Variants in GAD1 observed in about 807,000 individuals in gnomAD.
The protein encoded by GAD1 is glutamate decarboxylase 1.
A neutral mutation model predicts 75.2 loss-of-function variants in GAD1; 35 were observed. The observed-to-expected ratio is 0.47, with a 90% confidence interval of 0.36 to 0.62. GAD1 has a LOEUF of 0.62. Among genes scored for constraint, GAD1 ranks in the 20% least tolerant of loss-of-function variants. The pLI is 0.00. For synonymous variants in GAD1, 257 were observed against 271.9 expected, an observed-to-expected ratio of 0.95 and a Z score of 0.54; for missense variants, 490 against 758.5, an observed-to-expected ratio of 0.65 and a Z score of 4.16.
At chr2:170,849,034 C>T (rs1702696692) in intron 11 of GAD1, 1 of 550,854 alleles carries the variant, frequency 1.8e-6, no homozygotes, top group Non-Finnish European at 3.3e-6. Context: ...GCAGAACAGG[C>T]ACCTCAGGCT....
At chr2:170,850,616 G>T (rs1305042421) in intron 12 of GAD1, among the ~76,000 whole-genome samples, 1 of 152,210 alleles carries the variant, frequency 6.6e-6, no homozygotes, top group Non-Finnish European at 1.5e-5. Flanking sequence ...TCTGGCTTTT[G>T]TTACCTCTAC....
At chr2:170,815,299 G>A (rs1474554155), upstream of GAD1, among the ~76,000 whole-genome samples, 1 of 152,164 alleles carries the variant, frequency 6.6e-6, no homozygotes, top group East Asian at 1.9e-4. Context: ...CCGCCGTTTA[G>A]GATGTTTTTT....
In GAD1 at chr2:170,853,180, C is replaced by G. The variant is rs1051461170; in HGVS notation, c.1263+388C>G. Reference sequence around the variant, plus strand: ...GGAGTTCTTAGTATAAACGTGTGGTCCCAAGAACTGAAATAAATGAGACAG... The same window carrying G: ...GGAGTTCTTAGTATAAACGTGTGGTGCCAAGAACTGAAATAAATGAGACAG... On this transcript the variant is annotated intron_variant, in intron 13 of 16. Transcript: ENST00000358196. This position sits in a 1 kb window ranked among gnomAD's most constrained non-coding sequence, Gnocchi z 4.1. 1 of 275,214 alleles carries G rather than the reference C, an allele frequency of 3.6e-6. No homozygotes were observed. 17.0% of individuals were successfully genotyped at this position (275,214 alleles called of 1,614,324 possible). A position where few individuals can be genotyped will look rare whatever the true frequency, so the allele number is the denominator to read the frequency against.
intron 12 of GAD1, among the ~76,000 whole-genome samples, chr2:170,849,580 G>A (rs1399316178): frequency 1.3e-5 from 2 of 152,230 alleles, no homozygotes; most frequent in Non-Finnish European, 2.9e-5. Context: ...CAGGTGTGGT[G>A]GCTCACGCCT....
chr2:170,818,495 G>T lies in GAD1; in HGVS notation c.-63-34G>T. 8.6e-7 allele frequency: 1 copy of T among 1,158,068 alleles called. No homozygotes were observed. The allele number at this position is 1,158,068 out of a possible 1,614,324, so 71.7% of individuals were successfully genotyped here. ...CCCTCCGGTGTGCAGGACCCCGGAA[G>T]TCCTCCCCGCACAGCTCTCGCTTCT... On this transcript the variant is annotated intron_variant, in intron 1 of 16. Transcript: ENST00000358196. The surrounding 1 kb of genome is among the most constrained non-coding windows in gnomAD (Gnocchi z 5.9).
At chr2:170,848,487 ACT>A (rs1280389569) in intron 11 of GAD1, among the ~76,000 whole-genome samples, 1 of 147,200 alleles carries the variant, frequency 6.8e-6, no homozygotes, top group Non-Finnish European at 1.5e-5. Flanking sequence ...AAAGAGCAAA[ACT>A]CTGTCTCAAA....
chr2:170,845,929 T>G, intron 9 of GAD1, 80 bp from the exon 10 acceptor site: 2 of 1,500,130 alleles, frequency 1.3e-6, no homozygotes, highest in Non-Finnish European at 1.9e-6. Context: ...TAAATTGCTT[T>G]TTGCTGCTGC....
At chr2:170,848,788 C>T in intron 11 of GAD1, 1 of 519,140 alleles carries the variant, frequency 1.9e-6, no homozygotes, top group Non-Finnish European at 3.8e-6. Context: ...AGTAAACATG[C>T]ATCATGGTAC....
upstream of GAD1, chr2:170,816,816 C>G (rs1042749829): frequency 6.5e-6 from 1 of 154,268 alleles, no homozygotes; most frequent in Non-Finnish European, 1.4e-5. Flanking sequence ...ATTTCCCCGC[C>G]GATCCGGTCC....
At chr2:170,831,853 G>A (rs372008068) in intron 5 of GAD1, among the ~76,000 whole-genome samples, 42 of 148,252 alleles carry the variant, frequency 2.8e-4, no homozygotes, top group East Asian at 2.6e-3. Flanking sequence ...GCATGGTGGC[G>A]TGCACCTGTA....
intron 12 of GAD1, among the ~76,000 whole-genome samples, chr2:170,851,793 C>A (rs905131291): frequency 1.3e-5 from 2 of 152,210 alleles, no homozygotes; most frequent in Non-Finnish European, 2.9e-5. Flanking sequence ...TGCTCCTTAA[C>A]CATCTAATTG....
At chr2:170,848,963 C>T in intron 11 of GAD1, 1 of 439,752 alleles carries the variant, frequency 2.3e-6, no homozygotes. Context: ...CGGAGGGGGA[C>T]TCACTGTGTT....
chr2:170,847,849 A>G (rs1702666892), intron 11 of GAD1, 57 bp downstream of exon 11: 5 of 1,145,778 alleles, frequency 4.4e-6, no homozygotes, highest in South Asian at 2.5e-5. Flanking sequence ...CCTCTTTTTT[A>G]TGACTTGCCT....
intron 1 of GAD1, 177 bp downstream of exon 1, chr2:170,817,225 A>ACCACCCCCCCCC (rs1701723089): frequency 1.3e-4 from 2 of 15,472 alleles, no homozygotes; most frequent in African/African-American, 3.2e-4. Context: ...CTGCGCAGGG[A>ACCACCCCCCCCC]CCCCCCCCCC....
At chr2:170,848,194 G>A (rs1017767487) in intron 11 of GAD1, among the ~76,000 whole-genome samples, 5 of 152,150 alleles carry the variant, frequency 3.3e-5, no homozygotes, top group African/African-American at 4.8e-5. Flanking sequence ...TCTATGACAC[G>A]TCTCTTAAAA....
At position 170,829,603 on chromosome 2, in the gene GAD1, G is replaced by A; in HGVS notation, c.274G>A (p.Glu92Lys). ...CCGGGATGCCCGCTTCCGGCGCACA[G>A]AGACTGACTTCTCTAATCTGTTTGC... ...SDRDARFRRTETDFSNLFARD... is the reference protein window; with the variant it reads ...SDRDARFRRTKTDFSNLFARD... Residue 92 changes from glutamate to lysine, a missense_variant, in exon 4 of 17, where the codon GAG becomes AAG. Physicochemically the swap from Glu to Lys is moderately conservative, Grantham distance 56. Coordinates refer to ENST00000358196, the MANE Select transcript of GAD1 (RefSeq NM_000817.3). 6.2e-7 allele frequency: 1 copy of A among 1,613,632 alleles called. No individual in the cohort carries two copies. Among genetic ancestry groups the A allele is most frequent in the South Asian group, 1.1e-5 (1 of 91,054 alleles).
At chr2:170,859,001 C>G (rs1273502973) in intron 16 of GAD1, 108 bp downstream of exon 16, 2 of 1,031,618 alleles carry the variant, frequency 1.9e-6, no homozygotes, top group Non-Finnish European at 3.0e-6. Flanking sequence ...AAAAATAAAG[C>G]CTTGGGGTGG....
At position 170,822,137 on chromosome 2, in the gene GAD1, C is replaced by A. The variant is rs1277897374; in HGVS notation, c.133C>A (p.Leu45Ile). Residue 45 changes from leucine to isoleucine, a missense_variant, in exon 3 of 17, where the codon CTC becomes ATC. Leu to Ile is a conservative substitution (Grantham distance 5). Coordinates refer to ENST00000358196, the MANE Select transcript of GAD1 (RefSeq NM_000817.3). Reference protein sequence around the residue: ...VAHGCTRKLGLKICGFLQRTN... With the variant: ...VAHGCTRKLGIKICGFLQRTN... Reference sequence around the variant, plus strand: ...CCATGGATGCACCAGAAAACTGGGGCTCAAGATCTGCGGTAAGTGACAGGA... The same window carrying A: ...CCATGGATGCACCAGAAAACTGGGGATCAAGATCTGCGGTAAGTGACAGGA... The A allele has an allele frequency of 6.2e-7, 1 of 1,612,572 alleles. No individual in the cohort carries two copies.
chr2:170,838,044 A>C (rs867957435), intron 6 of GAD1, among the ~76,000 whole-genome samples: 7 of 152,358 alleles, frequency 4.6e-5, no homozygotes, highest in Middle Eastern at 6.8e-3. Flanking sequence ...TATATTCAGA[A>C]AAGTTTCTAT....
Sources: allele counts gnomAD v4.1 joint callset (sites outside exome capture counted in the v4.1 genomes callset), GRCh38; gene constraint gnomAD v4.1.1; non-coding constraint Gnocchi (gnomAD v3.1); transcripts MANE v1.5; gene names NCBI Gene and HGNC (gene_info 2026-07-23, HGNC 2026-07-21).